Variants in SCN9A observed in about 807,000 individuals in gnomAD.
SCN9A encodes sodium channel protein type 9 subunit alpha.
SCN9A carries 131 observed loss-of-function variants against 187.0 expected under a neutral mutation model. The ratio of observed to expected loss-of-function variants is 0.70; its 90% CI spans 0.61 to 0.81. The LOEUF is 0.81. Ranked by LOEUF, SCN9A falls within the 30% of genes least tolerant of loss-of-function variation. The pLI, the probability that SCN9A is intolerant of heterozygous loss-of-function variation, is 0.00. For missense variants in SCN9A, 2,252 were observed against 2,396.6 expected (o/e 0.94, Z 1.26); for synonymous variants, 809 against 808.6 (o/e 1.00, Z -0.01).
intron 1 of SCN9A, among the ~76,000 whole-genome samples, chr2:166,361,697 AG>A (rs1286554980): frequency 6.6e-6 from 1 of 152,156 alleles, no homozygotes; most frequent in Non-Finnish European, 1.5e-5. Flanking sequence ...AGTGCATAAA[AG>A]TTTAATCATT....
intron 1 of SCN9A, among the ~76,000 whole-genome samples, chr2:166,335,069 T>G (rs545682563): frequency 6.6e-6 from 1 of 152,268 alleles, no homozygotes; most frequent in South Asian, 2.1e-4. Flanking sequence ...CAAAAGGAGT[T>G]TTTCTTTGTT....
At position 166,310,251 on chromosome 2, in the gene SCN9A, G is replaced by A. The variant is rs1344744361; in HGVS notation, c.258+1248C>T. 2.8e-4 allele frequency among the ~76,000 whole-genome samples: 25 copies of A among 87,910 alleles called. 3 individuals are homozygous for A. The highest frequency in any genetic ancestry group is 9.7e-3 in the Middle Eastern group (2 of 206). 57.7% of individuals were successfully genotyped at this position (87,910 alleles called of 152,430 possible). A position where few individuals can be genotyped will look rare whatever the true frequency, so the allele number is the denominator to read the frequency against. On this transcript the variant is annotated intron_variant, in intron 2 of 26. Coordinates refer to ENST00000642356, the MANE Select transcript of SCN9A (RefSeq NM_001365536.1). ...GCAACAAAAGACAAAATTGACAAAT[G>A]GGATCTAATTAAACTAAAGAGCTTC...
chr2:166,345,334 A>G (rs16851958), intron 1 of SCN9A, among the ~76,000 whole-genome samples: 8,741 of 152,110 alleles, frequency 0.057, 740 homozygotes, highest in African/African-American at 0.19. Context: ...TAAAGCAGCT[A>G]CCCTGTGCTA....
chr2:166,260,598 A>G (rs953854227), intron 17 of SCN9A, among the ~76,000 whole-genome samples: 8 of 151,864 alleles, frequency 5.3e-5, no homozygotes, highest in African/African-American at 1.4e-4. Flanking sequence ...TTTGTTGTCA[A>G]TGATCAATCA....
At chr2:166,270,408 T>G (rs1314166027) in intron 17 of SCN9A, among the ~76,000 whole-genome samples, 1 of 151,904 alleles carries the variant, frequency 6.6e-6, no homozygotes, top group Non-Finnish European at 1.5e-5. Context: ...CTGCAGATTT[T>G]AGTCTCTGTG....
intron 24 of SCN9A, among the ~76,000 whole-genome samples, chr2:166,211,178 T>G (rs540865718): frequency 6.6e-6 from 1 of 152,220 alleles, no homozygotes; most frequent in East Asian, 1.9e-4. Flanking sequence ...AAAAGAGCTC[T>G]CTTAAGATGA....
intron 17 of SCN9A, among the ~76,000 whole-genome samples, chr2:166,256,997 G>A (rs1489877085): frequency 6.6e-6 from 1 of 151,620 alleles, no homozygotes; most frequent in Non-Finnish European, 1.5e-5. Flanking sequence ...ACTGGCTACA[G>A]ATTTCTCAGC....
chr2:166,251,129 A>G (rs1696016949), intron 18 of SCN9A, among the ~76,000 whole-genome samples: 1 of 152,128 alleles, frequency 6.6e-6, no homozygotes, highest in African/African-American at 2.4e-5. Flanking sequence ...ATTGATGTTA[A>G]GAGTCAATAG....
chr2:166,205,884 A>G (rs983435465), intron 24 of SCN9A, among the ~76,000 whole-genome samples: 2 of 152,242 alleles, frequency 1.3e-5, no homozygotes, highest in Non-Finnish European at 2.9e-5. Context: ...AAAAGAAGAC[A>G]TTTATGCAGC....
intron 1 of SCN9A, among the ~76,000 whole-genome samples, chr2:166,375,105 T>C (rs1197249497): frequency 6.6e-6 from 1 of 152,200 alleles, no homozygotes; most frequent in Non-Finnish European, 1.5e-5. Context: ...CTGCATCTTT[T>C]CTGAATTTCA....
At chr2:166,351,290 G>T (rs776218442) in intron 1 of SCN9A, among the ~76,000 whole-genome samples, 1 of 152,090 alleles carries the variant, frequency 6.6e-6, no homozygotes, top group Non-Finnish European at 1.5e-5. Flanking sequence ...ATTACTTTAT[G>T]GTTTATATAA....
At position 166,286,518 on chromosome 2, in the gene SCN9A, T is replaced by C. The variant is rs950344838; in HGVS notation, c.1420A>G (p.Lys474Glu). 6.2e-7 allele frequency: 1 copy of C among 1,613,230 alleles called. No individual in the cohort carries two copies. Among genetic ancestry groups the C allele is most frequent in the East Asian group, 2.2e-5 (1 of 44,852 alleles). Reference protein sequence around the residue: ...ETSKLSSKSAKERRNRRKKKN... With the variant: ...ETSKLSSKSAEERRNRRKKKN... Reference sequence around the variant, plus strand: ...TTCTTTCTTCTGTTTCTTCTTTCTTTAGCACTTTTAGAGCTCAGTTTGGAT... The same window carrying C: ...TTCTTTCTTCTGTTTCTTCTTTCTTCAGCACTTTTAGAGCTCAGTTTGGAT... Residue 474 changes from lysine (K) to glutamate (E), a missense_variant, in exon 11 of 27, where the codon AAA becomes GAA. Lys to Glu is a moderately conservative substitution (Grantham distance 56). Around this residue, in one of 7 missense-constraint regions of SCN9A, gnomAD observed 1,013 missense variants for 997.4 expected, o/e 1.02. Transcript: ENST00000642356.
chr2:166,267,102 A>T (rs910835675), intron 17 of SCN9A, among the ~76,000 whole-genome samples: 1 of 151,942 alleles, frequency 6.6e-6, no homozygotes, highest in South Asian at 2.1e-4. Flanking sequence ...GAATAAAAGT[A>T]GTGAAAGTGG....
intron 1 of SCN9A, among the ~76,000 whole-genome samples, chr2:166,369,314 A>C (rs1259021200): frequency 6.6e-6 from 1 of 152,174 alleles, no homozygotes; most frequent in Non-Finnish European, 1.5e-5. Context: ...ACTAATTTGA[A>C]CTCAAATTTA....
rs2106335301 is a variant in SCN9A, at chr2:166,198,631, T to G, written c.*41A>C. 1.4e-6 allele frequency: 2 copies of G among 1,391,330 alleles called. No homozygotes were observed. The highest frequency in any genetic ancestry group is 4.7e-5 in the East Asian group (2 of 42,340). The allele number at this position is 1,391,330 out of a possible 1,614,324, so 86.2% of individuals were successfully genotyped here. ...AAAGAGTTTTATTAACACAAATAAA[T>G]CACTTTCACAGGCTGTAAACAATAT... On this transcript the variant is annotated 3_prime_UTR_variant, in exon 27 of 27. Coordinates refer to ENST00000642356, the MANE Select transcript of SCN9A (RefSeq NM_001365536.1).
At chr2:166,279,777 G>A (rs914929120) in intron 14 of SCN9A, among the ~76,000 whole-genome samples, 11 of 151,920 alleles carry the variant, frequency 7.2e-5, no homozygotes, top group African/African-American at 1.9e-4. Flanking sequence ...CCAAGAATAT[G>A]ATAAATGAAA....
At chr2:166,330,406 C>T (rs1350330261) in intron 1 of SCN9A, among the ~76,000 whole-genome samples, 2 of 152,166 alleles carry the variant, frequency 1.3e-5, no homozygotes, top group East Asian at 3.9e-4. Context: ...CTCTAATTTA[C>T]ATACATTTTC....
chr2:166,347,191 G>A (rs1209572184), intron 1 of SCN9A, among the ~76,000 whole-genome samples: 1 of 152,182 alleles, frequency 6.6e-6, no homozygotes, highest in African/African-American at 2.4e-5. Context: ...CATCACTCTT[G>A]CCGTCTTTAT....
At chr2:166,372,309 C>T (rs1009547777) in intron 1 of SCN9A, among the ~76,000 whole-genome samples, 4 of 152,098 alleles carry the variant, frequency 2.6e-5, no homozygotes, top group Non-Finnish European at 5.9e-5. Context: ...CAATTTAGAC[C>T]GTGTGGAAAC....
Sources: gnomAD v4.1 joint callset for allele counts (sites outside exome capture counted in the v4.1 genomes callset) on GRCh38, gnomAD v4.1.1 for gene constraint, gnomAD v4.1.1 regional missense constraint, MANE v1.5 for transcripts, NCBI Gene and HGNC (gene_info 2026-07-23, HGNC 2026-07-21) for gene names.